Variants in SETD5 observed in about 807,000 individuals in gnomAD.
SETD5 encodes the protein histone-lysine N-methyltransferase SETD5.
A neutral mutation model predicts 153.3 loss-of-function variants in SETD5; 44 were observed. The ratio of observed to expected loss-of-function variants is 0.29; its 90% CI spans 0.23 to 0.37. The LOEUF (loss-of-function observed/expected upper bound fraction) is 0.37, where lower values mean the gene tolerates loss of function less well. Among genes scored for constraint, SETD5 ranks in the 10% least tolerant of loss-of-function variants. SETD5 has a pLI of 1.00. For missense variants in SETD5, 1,544 were observed against 1,768.0 expected, an observed-to-expected ratio of 0.87 and a Z score of 2.27; for synonymous variants, 716 against 645.2, an observed-to-expected ratio of 1.11 and a Z score of -1.66.
intron 1 of SETD5, among the ~76,000 whole-genome samples, chr3:9,403,954 A>T (rs750854272): frequency 2.0e-5 from 3 of 152,184 alleles, no homozygotes; most frequent in Admixed American, 6.5e-5. Flanking sequence ...TTTATAGGCA[A>T]ATTAGCTGGC....
At chr3:9,445,849 G>A (rs556136176) in intron 13 of SETD5, 109 bp downstream of exon 13, 473 of 614,716 alleles carry the variant, frequency 7.7e-4, no homozygotes, top group Non-Finnish European at 1.1e-3. Flanking sequence ...TGACCTGAAG[G>A]TTATAATTTG....
intron 7 of SETD5, chr3:9,436,959 T>A: frequency 3.0e-6 from 4 of 1,354,160 alleles, no homozygotes; most frequent in East Asian, 2.6e-5. Context: ...GCTTCTTTCC[T>A]GACATTGATG....
At chr3:9,430,844 G>A (rs2039878931) in intron 3 of SETD5, 9 of 985,326 alleles carry the variant, frequency 9.1e-6, no homozygotes, top group Non-Finnish European at 1.1e-5. Flanking sequence ...ATGTGACTGC[G>A]CTGTCTCTGT....
chr3:9,430,902 C>G (rs1162404103), intron 3 of SETD5: 2 of 985,284 alleles, frequency 2.0e-6, no homozygotes, highest in Non-Finnish European at 1.2e-6. Flanking sequence ...CATTCATGAT[C>G]TCCAGACAGA....
In SETD5 at chr3:9,470,497, A is replaced by G; in HGVS notation, c.2763A>G (p.Gly921=). The G allele has an allele frequency of 1.2e-6, 2 of 1,613,562 alleles. No homozygotes were observed. Among genetic ancestry groups the G allele is most frequent in the Non-Finnish European group, 1.7e-6 (2 of 1,179,602 alleles). The change falls in exon 19 of 23, where the codon GGA becomes GGG. Residue 921 remains glycine (G), a synonymous_variant. Transcript: ENST00000402198. ...HRKDLDLAKV[G]YLDSNTNSCA... is the part of the protein sequence containing the mutation. ...AAGACCTGGATTTGGCAAAAGTAGGATACCTTGACTCCAACACTAACAGCT... is the reference window on the plus strand; with the variant it reads ...AAGACCTGGATTTGGCAAAAGTAGGGTACCTTGACTCCAACACTAACAGCT...
Position 9,448,013 on chromosome 3 carries a change from C to A in SETD5, c.2103+7C>A. ...ATACCCCAAAACCAAAAAGGTAAGTCACAAATGCATCCTTTATAAGTCCAG... is the reference window on the plus strand; with the variant it reads ...ATACCCCAAAACCAAAAAGGTAAGTAACAAATGCATCCTTTATAAGTCCAG... On this transcript the variant is annotated splice_region_variant and intron_variant, in intron 15 of 22. Transcript: ENST00000402198. The A allele has an allele frequency of 6.2e-7, 1 of 1,608,974 alleles. No homozygotes were observed. The highest frequency in any genetic ancestry group is 1.1e-5 in the South Asian group (1 of 90,486).
At chr3:9,445,023 C>A in intron 11 of SETD5, 25 bp from the exon 12 acceptor site, 2 of 1,606,918 alleles carry the variant, frequency 1.2e-6, no homozygotes, top group Non-Finnish European at 1.7e-6. Flanking sequence ...CTGAGACAGG[C>A]ATTTTGGTTG....
At chr3:9,430,934 C>G in intron 3 of SETD5, 6 of 985,418 alleles carry the variant, frequency 6.1e-6, no homozygotes, top group Non-Finnish European at 7.2e-6. Flanking sequence ...GTGGTCATAA[C>G]TAGCTACATA....
chr3:9,417,220 A>G (rs2037595228), intron 1 of SETD5, among the ~76,000 whole-genome samples: 1 of 152,174 alleles, frequency 6.6e-6, no homozygotes, highest in African/African-American at 2.4e-5. Flanking sequence ...GTTCACTGCT[A>G]TTATATAATG....
rs1575451196 is a variant in SETD5 at position 9,445,394 on chromosome 3, A to G, written c.1440+94A>G. On this transcript the variant is annotated intron_variant, in intron 12 of 22. Coordinates refer to ENST00000402198, the MANE Select transcript of SETD5 (RefSeq NM_001080517.3). ...CGCATGGTTTAAGTAGGGGAGCTAT[A>G]GTAACACTTAGTGCCCTTTATATCA... 2.4e-6 allele frequency: 3 copies of G among 1,275,338 alleles called. No homozygotes were observed. In the East Asian group the frequency reaches 7.5e-5, roughly 32 times the overall value. The allele number at this position is 1,275,338 out of a possible 1,614,324, so 79.0% of individuals were successfully genotyped here.
At chr3:9,420,277 T>A (rs1055752380) in intron 1 of SETD5, among the ~76,000 whole-genome samples, 9 of 152,322 alleles carry the variant, frequency 5.9e-5, no homozygotes, top group South Asian at 4.1e-4. Context: ...TGATATGTAG[T>A]CTTATCCTAC....
At chr3:9,432,250 A>G in intron 3 of SETD5, 3 of 971,426 alleles carry the variant, frequency 3.1e-6, no homozygotes, top group South Asian at 9.6e-5. Context: ...TCCTCTGTCT[A>G]AAGTTCTTCA....
At chr3:9,441,764 A>G (rs1231216736) in intron 9 of SETD5, 23 bp downstream of exon 9, 2 of 1,613,906 alleles carry the variant, frequency 1.2e-6, no homozygotes, top group Non-Finnish European at 1.7e-6. Context: ...TTCATTGAGC[A>G]GTGAGGGCTA....
At chr3:9,460,580 A>G (rs1169028514) in intron 17 of SETD5, among the ~76,000 whole-genome samples, 1 of 152,172 alleles carries the variant, frequency 6.6e-6, no homozygotes. Flanking sequence ...GTGTTGATTC[A>G]GTATTGGACA....
At position 9,425,118 on chromosome 3, in the gene SETD5, A is replaced by G. The variant is rs182041841; in HGVS notation, c.-117+592A>G. On this transcript the variant is annotated intron_variant, in intron 2 of 22. Transcript: ENST00000402198. ...TTCTTGTTGTCCATGTTGAAGTGCAATGGTACAGTCTTGACTCACTGCAAC... is the reference window on the plus strand; with the variant it reads ...TTCTTGTTGTCCATGTTGAAGTGCAGTGGTACAGTCTTGACTCACTGCAAC... Among the ~76,000 whole-genome samples, 794 of 141,578 alleles carry G rather than the reference A, an allele frequency of 5.6e-3. 6 individuals carry two copies. The highest frequency in any genetic ancestry group is 0.018 in the South Asian group (83 of 4,658). The allele number at this position is 141,578 out of a possible 152,430, so 92.9% of individuals were successfully genotyped here. A position where few individuals can be genotyped will look rare whatever the true frequency, so the allele number is the denominator to read the frequency against.
intron 2 of SETD5, chr3:9,426,213 C>CTTT (rs879676601): frequency 1.5e-5 from 1 of 68,496 alleles, no homozygotes; most frequent in African/African-American, 7.4e-5. Flanking sequence ...TCATCAGTCC[C>CTTT]TTTTTTTTTT....
intron 1 of SETD5, among the ~76,000 whole-genome samples, chr3:9,409,230 ACTT>A (rs2036185942): frequency 2.0e-5 from 3 of 152,166 alleles, no homozygotes; most frequent in Non-Finnish European, 4.4e-5. Flanking sequence ...ATATTTTCTT[ACTT>A]CTTCATTTAT....
chr3:9,416,204 A>G (rs181675482), intron 1 of SETD5, among the ~76,000 whole-genome samples: 6 of 151,892 alleles, frequency 4.0e-5, no homozygotes, highest in Admixed American at 3.3e-4. Flanking sequence ...GCACTCTAAG[A>G]CTCCAAGTAC....
intron 1 of SETD5, among the ~76,000 whole-genome samples, chr3:9,401,934 AT>A (rs2034846314): frequency 6.6e-6 from 1 of 152,186 alleles, no homozygotes; most frequent in African/African-American, 2.4e-5. Flanking sequence ...GTCATTTGTA[AT>A]TTAAAGTATT....
Sources: allele counts gnomAD v4.1 joint callset (sites outside exome capture counted in the v4.1 genomes callset), GRCh38; gene constraint gnomAD v4.1.1; transcripts MANE v1.5; gene names NCBI Gene and HGNC (gene_info 2026-07-23, HGNC 2026-07-21).